ZNF875: variants seen among roughly 807,000 people sequenced by gnomAD.
ZNF875 encodes HKR1, GLI-Kruppel zinc finger family member.
Under a neutral mutation model 11.2 loss-of-function variants are expected in ZNF875, and 14 were observed. The ratio of observed to expected loss-of-function variants is 1.26; its 90% CI spans 0.83 to 1.96. The LOEUF is 1.96. Ranked by LOEUF, ZNF875 falls within the 30% of genes most tolerant of loss-of-function variation. The probability of loss-of-function intolerance (pLI) is 0.00; values close to 1 mark genes in which losing one functional copy is unlikely to be tolerated. For synonymous variants in ZNF875, 301 were observed against 281.1 expected (o/e 1.07, Z -0.71); for missense variants, 752 against 760.4 (o/e 0.99, Z 0.13).
intron 4 of ZNF875, among the ~76,000 whole-genome samples, chr19:37,361,568 G>GA (rs1276249672): frequency 6.6e-6 from 1 of 151,998 alleles, no homozygotes; most frequent in African/African-American, 2.4e-5. Context: ...AGGCCATACA[G>GA]AAACAGGTTT....
intron 2 of ZNF875, among the ~76,000 whole-genome samples, chr19:37,340,036 G>A (rs949483457): frequency 1.3e-5 from 2 of 151,426 alleles, no homozygotes; most frequent in Non-Finnish European, 2.9e-5. Context: ...AGGCTGGAGT[G>A]CAATGGCATG....
At chr19:37,359,603 C>T in intron 4 of ZNF875, 2 of 201,508 alleles carry the variant, frequency 9.9e-6, no homozygotes, top group South Asian at 1.1e-4. Context: ...GGGGTTTCAC[C>T]ATGTTGGCCA....
chr19:37,330,782 CCCA>C (rs2145822851), upstream of ZNF875, among the ~76,000 whole-genome samples: 1 of 152,238 alleles, frequency 6.6e-6, no homozygotes, highest in East Asian at 1.9e-4. Flanking sequence ...TCCCTCTCTT[CCCA>C]CCACACCACC....
upstream of ZNF875, among the ~76,000 whole-genome samples, chr19:37,314,508 C>T (rs959256132): frequency 6.6e-5 from 10 of 152,014 alleles, no homozygotes; most frequent in Admixed American, 5.9e-4. Context: ...ATAAGATGGT[C>T]CTAGGGCATC....
chr19:37,347,423 A>G (rs2037024575), intron 3 of ZNF875, 107 bp downstream of exon 3: 2 of 1,104,292 alleles, frequency 1.8e-6, no homozygotes, highest in Non-Finnish European at 2.6e-6. Context: ...GTTGAGCTTG[A>G]AAACAATTTA....
At chr19:37,349,800 G>A (rs1306726740) in intron 4 of ZNF875, among the ~76,000 whole-genome samples, 3 of 151,748 alleles carry the variant, frequency 2.0e-5, no homozygotes, top group Non-Finnish European at 4.4e-5. Flanking sequence ...GACTACAGGC[G>A]TGTGCCACCA....
At chr19:37,349,852 A>T (rs2037498405) in intron 4 of ZNF875, among the ~76,000 whole-genome samples, 1 of 151,572 alleles carries the variant, frequency 6.6e-6, no homozygotes, top group African/African-American at 2.4e-5. Flanking sequence ...ACGGGGTTTC[A>T]CCATGTTGGC....
chr19:37,343,385 A>G (rs897629758), intron 2 of ZNF875, among the ~76,000 whole-genome samples: 1 of 151,570 alleles, frequency 6.6e-6, no homozygotes, highest in East Asian at 1.9e-4. Flanking sequence ...AAAAAAAAAA[A>G]CCAAACAAAC....
At chr19:37,350,270 C>T (rs758275335) in intron 4 of ZNF875, among the ~76,000 whole-genome samples, 71 of 151,840 alleles carry the variant, frequency 4.7e-4, no homozygotes, top group South Asian at 4.2e-4. Flanking sequence ...CCACCACGCC[C>T]GGCTAACTTT....
chr19:37,356,071 C>T (rs1367110640), intron 4 of ZNF875, among the ~76,000 whole-genome samples: 1 of 152,150 alleles, frequency 6.6e-6, no homozygotes, highest in Non-Finnish European at 1.5e-5. Context: ...AGGATGATGG[C>T]CTCTAGCTGC....
intron 4 of ZNF875, chr19:37,324,646 A>G (rs1197298673): frequency 6.6e-6 from 1 of 152,284 alleles, no homozygotes; most frequent in Non-Finnish European, 1.5e-5. Context: ...TGTTAGTGAG[A>G]AATTAAAATT....
intron 4 of ZNF875, among the ~76,000 whole-genome samples, chr19:37,357,707 T>C (rs1213797816): frequency 6.6e-6 from 1 of 152,178 alleles, no homozygotes; most frequent in Non-Finnish European, 1.5e-5. Context: ...GGAACTTTAC[T>C]GAATTTTTTT....
At chr19:37,331,058 G>A (rs890996154), upstream of ZNF875, among the ~76,000 whole-genome samples, 55 of 151,718 alleles carry the variant, frequency 3.6e-4, no homozygotes, top group African/African-American at 1.1e-3. Flanking sequence ...GAGGTGGCAG[G>A]CGCCTGTAGT....
intron 2 of ZNF875, among the ~76,000 whole-genome samples, chr19:37,340,630 T>A (rs914075236): frequency 5.3e-5 from 8 of 150,300 alleles, no homozygotes. Context: ...CACAGGGGAG[T>A]CATCTTATGT....
upstream of ZNF875, among the ~76,000 whole-genome samples, chr19:37,331,662 G>A (rs1425503970): frequency 6.7e-6 from 1 of 148,442 alleles, no homozygotes; most frequent in Non-Finnish European, 1.5e-5. Flanking sequence ...CTAATCTCAA[G>A]TACCCAGGGA....
At chr19:37,329,614 C>T (rs1005633512) in intron 4 of ZNF875, among the ~76,000 whole-genome samples, 2 of 152,198 alleles carry the variant, frequency 1.3e-5, no homozygotes, top group South Asian at 2.1e-4. Flanking sequence ...TCCATCATTA[C>T]GTATCTGTGG....
At chr19:37,330,600 A>G (rs532064658), upstream of ZNF875, among the ~76,000 whole-genome samples, 4 of 152,292 alleles carry the variant, frequency 2.6e-5, no homozygotes, top group Admixed American at 2.0e-4. Flanking sequence ...CCTGAAGGGT[A>G]ACTGCTTACT....
Position 37,350,402 on chromosome 19 carries a change from A to G in ZNF875, c.256+2530A>G, listed in dbSNP as rs537698736. Among the ~76,000 whole-genome samples, 4 of 152,016 alleles carry G rather than the reference A, an allele frequency of 2.6e-5. No homozygotes were observed. In the South Asian group the frequency reaches 8.3e-4, roughly 32 times the overall value. ...CACTTTACCTGATGCCCTGCTTGCT[A>G]TTTAAACAAACTGTGAAATAATTTG... On this transcript the variant is annotated intron_variant, in intron 4 of 4. Transcript: ENST00000392153.
chr19:37,326,583 A>G (rs1253256809), intron 4 of ZNF875, among the ~76,000 whole-genome samples: 1 of 150,744 alleles, frequency 6.6e-6, no homozygotes, highest in Non-Finnish European at 1.5e-5. Flanking sequence ...TCTTTGATAC[A>G]TTAGTGACTC....
Sources: gnomAD v4.1 joint callset for allele counts (sites outside exome capture counted in the v4.1 genomes callset) on GRCh38, gnomAD v4.1.1 for gene constraint, MANE v1.5 for transcripts, NCBI Gene and HGNC (gene_info 2026-07-23, HGNC 2026-07-21) for gene names.